Variants in DGKI observed in about 807,000 individuals in gnomAD.
The protein encoded by DGKI is diacylglycerol kinase iota.
Under a neutral mutation model 147.5 loss-of-function variants are expected in DGKI, and 55 were observed. The observed-to-expected ratio is 0.37, with a 90% confidence interval of 0.30 to 0.47. The LOEUF is 0.47. Ranked by LOEUF, DGKI falls within the 20% of genes least tolerant of loss-of-function variation. DGKI has a pLI of 1.00. For synonymous variants in DGKI, 469 were observed against 477.1 expected, an observed-to-expected ratio of 0.98 and a Z score of 0.22; for missense variants, 1,007 against 1,323.8, an observed-to-expected ratio of 0.76 and a Z score of 3.71.
chr7:137,532,857 C>G (rs567610163), intron 20 of DGKI, among the ~76,000 whole-genome samples: 2 of 152,068 alleles, frequency 1.3e-5, no homozygotes, highest in Non-Finnish European at 2.9e-5. Context: ...GTAAAAATGA[C>G]AGAATAAAGA....
At chr7:137,727,566 A>C (rs998343610) in intron 1 of DGKI, among the ~76,000 whole-genome samples, 2 of 152,228 alleles carry the variant, frequency 1.3e-5, no homozygotes, top group African/African-American at 2.4e-5. Context: ...CTCTATTTAC[A>C]TAATGACAAG....
At chr7:137,725,146 T>C (rs2116635515) in intron 1 of DGKI, among the ~76,000 whole-genome samples, 1 of 152,218 alleles carries the variant, frequency 6.6e-6, no homozygotes, top group East Asian at 1.9e-4. Context: ...TTCTGCTCTT[T>C]AATACCACTC....
intron 15 of DGKI, 88 bp downstream of exon 15, chr7:137,581,762 C>G: frequency 1.8e-6 from 2 of 1,121,014 alleles, no homozygotes; most frequent in Non-Finnish European, 2.7e-6. Context: ...ACTGTAAACG[C>G]GTAAGTGATA....
In DGKI at chr7:137,642,929, AGTGT is replaced by A. The variant is rs1207086851; in HGVS notation, c.804+2539_804+2542del. Among the ~76,000 whole-genome samples the A allele has an allele frequency of 3.3e-3, 401 of 121,202 alleles. 4 individuals carry two copies. The highest frequency in any genetic ancestry group is 0.013 in the South Asian group (42 of 3,288). The allele number at this position is 121,202 out of a possible 152,430, so 79.5% of individuals were successfully genotyped here. On this transcript the variant is annotated intron_variant, in intron 6 of 32. Transcript: ENST00000614521. ...CATCCCAATGAGTAAATTATGGAAT[AGTGT>A]GTGTGTGTGTGTGTGTGTGTGTGTG... is the stretch of plus-strand genomic sequence containing the variant.
At chr7:137,554,914 CTTTTTT>C (rs757320303) in intron 19 of DGKI, among the ~76,000 whole-genome samples, 1 of 107,428 alleles carries the variant, frequency 9.3e-6, no homozygotes, top group Non-Finnish European at 1.8e-5. Flanking sequence ...AAACTATTTT[CTTTTTT>C]TTTTTTTTTT....
chr7:137,611,222 G>C (rs1382457003), intron 8 of DGKI, among the ~76,000 whole-genome samples: 1 of 152,204 alleles, frequency 6.6e-6, no homozygotes, highest in African/African-American at 2.4e-5. Flanking sequence ...AATGATCTAA[G>C]AAGAATGCTA....
intron 1 of DGKI, among the ~76,000 whole-genome samples, chr7:137,750,808 T>C (rs1563180791): frequency 1.3e-5 from 2 of 152,208 alleles, no homozygotes; most frequent in Non-Finnish European, 2.9e-5. Context: ...AGCATGCTAA[T>C]GAAGATCTTT....
chr7:137,785,571 T>C (rs60672754), intron 1 of DGKI, among the ~76,000 whole-genome samples: 4,197 of 151,938 alleles, frequency 0.028, 135 homozygotes, highest in East Asian at 0.19. Flanking sequence ...ACCAATCCTA[T>C]TGACACTATT....
chr7:137,493,269 C>A (rs1380864390), intron 21 of DGKI, among the ~76,000 whole-genome samples: 4 of 152,192 alleles, frequency 2.6e-5, no homozygotes, highest in Non-Finnish European at 5.9e-5. Flanking sequence ...CCCGCCAGTG[C>A]CCCATCGCAC....
At chr7:137,517,377 G>C (rs1252254079) in intron 21 of DGKI, among the ~76,000 whole-genome samples, 1 of 143,834 alleles carries the variant, frequency 7.0e-6, no homozygotes, top group Admixed American at 7.0e-5. Flanking sequence ...GGGAGAGAGA[G>C]AGGGCGGGAG....
intron 21 of DGKI, among the ~76,000 whole-genome samples, chr7:137,500,082 C>T (rs1195526095): frequency 3.3e-5 from 5 of 152,102 alleles, no homozygotes; most frequent in East Asian, 1.9e-4. Context: ...ACTAAAACAA[C>T]GAGGAAGCTT....
chr7:137,472,338 C>T (rs57493607), intron 23 of DGKI, among the ~76,000 whole-genome samples: 1,257 of 103,388 alleles, frequency 0.012, 219 homozygotes, highest in African/African-American at 0.061. Context: ...TGTATATATA[C>T]ATATAATTAT....
chr7:137,537,502 A>G (rs993196530), intron 20 of DGKI, among the ~76,000 whole-genome samples: 1 of 152,194 alleles, frequency 6.6e-6, no homozygotes, highest in African/African-American at 2.4e-5. Context: ...AGAGATAATC[A>G]CCTAGAAATA....
intron 19 of DGKI, among the ~76,000 whole-genome samples, chr7:137,565,919 A>T (rs1460843436): frequency 6.6e-6 from 1 of 152,212 alleles, no homozygotes; most frequent in Non-Finnish European, 1.5e-5. Flanking sequence ...ATTTGCAATT[A>T]CAAGATAAAG....
intron 21 of DGKI, among the ~76,000 whole-genome samples, chr7:137,498,257 T>C (rs1816043859): frequency 6.6e-6 from 1 of 151,060 alleles, no homozygotes; most frequent in Non-Finnish European, 1.5e-5. Context: ...TAAAAAGAGA[T>C]AGAAAGTAGG....
At chr7:137,654,638 A>G (rs1822154096) in intron 5 of DGKI, 94 bp downstream of exon 5, 3 of 937,012 alleles carry the variant, frequency 3.2e-6, no homozygotes, top group South Asian at 1.4e-5. Flanking sequence ...AAAGAGATAG[A>G]ATTTATTTTT....
chr7:137,695,016 T>C (rs1261431882), intron 1 of DGKI, among the ~76,000 whole-genome samples: 1 of 152,204 alleles, frequency 6.6e-6, no homozygotes, highest in Non-Finnish European at 1.5e-5. Context: ...TGTGTTTTGT[T>C]TCCTAAGAAA....
intron 21 of DGKI, among the ~76,000 whole-genome samples, chr7:137,517,187 G>A (rs1447759529): frequency 1.8e-5 from 2 of 110,962 alleles, no homozygotes; most frequent in Non-Finnish European, 4.2e-5. Context: ...AAGGTCATAA[G>A]AAAAAGAAAA....
chr7:137,700,865 C>A (rs991374455), intron 1 of DGKI, among the ~76,000 whole-genome samples: 1 of 151,136 alleles, frequency 6.6e-6, no homozygotes, highest in Non-Finnish European at 1.5e-5. Flanking sequence ...GCGACAAGAG[C>A]GAAGCTCCGT....
Sources: gnomAD v4.1 joint callset for allele counts (sites outside exome capture counted in the v4.1 genomes callset) on GRCh38, gnomAD v4.1.1 for gene constraint, MANE v1.5 for transcripts, NCBI Gene and HGNC (gene_info 2026-07-23, HGNC 2026-07-21) for gene names.